WIPI1: variants seen among roughly 807,000 people sequenced by gnomAD.
WIPI1 encodes WD repeat domain, phosphoinositide interacting 1.
A neutral mutation model predicts 55.3 loss-of-function variants in WIPI1; 45 were observed. The observed-to-expected ratio is 0.81, with a 90% CI of 0.64 to 1.04. The LOEUF (loss-of-function observed/expected upper bound fraction) is 1.04, where lower values mean the gene tolerates loss of function less well. Ranked by LOEUF, WIPI1 falls within the 50% of genes least tolerant of loss-of-function variation. The pLI is 0.00. For missense variants in WIPI1, 445 were observed against 559.0 expected (o/e 0.80, Z 2.06); for synonymous variants, 195 against 217.6 (o/e 0.90, Z 0.92).
chr17:68,454,738 G>A (rs568829761), intron 1 of WIPI1, among the ~76,000 whole-genome samples: 9 of 152,282 alleles, frequency 5.9e-5, no homozygotes, highest in African/African-American at 1.2e-4. Flanking sequence ...GTTTGGCTGC[G>A]AAATGAGGTT....
rs1055661489 is a variant in WIPI1, at chr17:68,434,706, T to C, written c.622-80A>G. On this transcript the variant is annotated intron_variant, in intron 6 of 12. Coordinates refer to ENST00000262139, the MANE Select transcript of WIPI1 (RefSeq NM_017983.7). The stretch of plus-strand genomic sequence containing the variant: ...TGTCCCTTTAGAGAGGAGTTTGTTT[T>C]ATTGGTTTTGAACATCTGTCTCTGA... 2.9e-5 allele frequency: 43 copies of C among 1,477,054 alleles called. No homozygotes were observed. The African/African-American group carries it at 3.9e-4, about 13-fold the overall frequency. 91.5% of individuals were successfully genotyped at this position (1,477,054 alleles called of 1,614,324 possible).
At chr17:68,446,906 G>A (rs1827409373) in intron 3 of WIPI1, among the ~76,000 whole-genome samples, 1 of 152,186 alleles carries the variant, frequency 6.6e-6, no homozygotes, top group African/African-American at 2.4e-5. Flanking sequence ...AAACGCAGAG[G>A]GAAACAGAGA....
Position 68,444,147 on chromosome 17 carries a change from G to C in WIPI1, c.430+346C>G, listed in dbSNP as rs117368413. Among the ~76,000 whole-genome samples the C allele has an allele frequency of 5.8e-3, 884 of 152,258 alleles. 28 individuals are homozygous for C. The East Asian group carries it at 0.095, about 16-fold the overall frequency. ...CTAATTATCACGCCTACTCTGTACT[G>C]AACGAACCACAAAAAACAATTAGGG... is the stretch of plus-strand genomic sequence containing the variant. On this transcript the variant is annotated intron_variant, in intron 4 of 12. Coordinates refer to ENST00000262139, the MANE Select transcript of WIPI1 (RefSeq NM_017983.7).
Position 68,436,383 on chromosome 17 carries a change from A to G in WIPI1, c.527T>C (p.Leu176Pro). 1 of 1,613,636 alleles carries G rather than the reference A, an allele frequency of 6.2e-7. No homozygotes were observed. The highest frequency in any genetic ancestry group is 8.5e-7 in the Non-Finnish European group (1 of 1,179,578). The change falls in exon 5 of 13, where the codon CTG becomes CCG. Residue 176 changes from leucine to proline, a missense_variant and splice_region_variant. Transcript: ENST00000262139. ...GEIVLYDGNS[L>P]KTVCTIAAHE... ...TCAGCCAGGTCACCGTCAACTTACC[A>G]GGGAGTTTCCATCATAAAGCACAAT...
intron 3 of WIPI1, chr17:68,448,383 C>T (rs1043836163): frequency 6.6e-6 from 1 of 152,202 alleles, no homozygotes; most frequent in Non-Finnish European, 1.5e-5. Context: ...TGAACCGATG[C>T]TCATCTTGGT....
rs572183548 is a variant in WIPI1, at chr17:68,449,408, T to C, written c.333+1320A>G. On this transcript the variant is annotated intron_variant, in intron 3 of 12. Coordinates refer to ENST00000262139, the MANE Select transcript of WIPI1 (RefSeq NM_017983.7). ...ACTCTGCGAGGCCAAGGAGGATCCT[T>C]GAGCCCAGGAGTTTGAGACCAGACT... 4.8e-4 allele frequency among the ~76,000 whole-genome samples: 73 copies of C among 152,308 alleles called. 1 individual carries two copies. The highest frequency in any genetic ancestry group is 1.6e-3 in the African/African-American group (67 of 41,564).
At position 68,421,337 on chromosome 17, in the gene WIPI1, A is replaced by T. The variant is rs2082756085; in HGVS notation, c.*436T>A. On this transcript the variant is annotated 3_prime_UTR_variant, in exon 13 of 13. Transcript: ENST00000262139. ...AAATGGGACTCCCAAGTAATAAATG[A>T]TTTATTCCAGCCACAGCCAAAAAAG... 6.1e-6 allele frequency: 1 copy of T among 162,926 alleles called. No individual in the cohort carries two copies. The highest frequency in any genetic ancestry group is 5.9e-5 in the Admixed American group (1 of 16,954). The allele number at this position is 162,926 out of a possible 1,614,324, so 10.1% of individuals were successfully genotyped here.
chr17:68,433,347 A>G, intron 8 of WIPI1, 121 bp downstream of exon 8: 1 of 929,256 alleles, frequency 1.1e-6, no homozygotes, highest in African/African-American at 1.6e-5. Flanking sequence ...CACTTAGGTG[A>G]AGTCCCAAGT....
In WIPI1 at chr17:68,425,411, G is replaced by T. The variant is rs1356918302; in HGVS notation, c.1293+664C>A. Among the ~76,000 whole-genome samples the T allele has an allele frequency of 2.7e-5, 4 of 149,834 alleles. No homozygotes were observed. The East Asian group carries it at 5.8e-4, about 22-fold the overall frequency. ...TTTTTTTTTTTTTTTGGTGGAGATG[G>T]GGTTTTGCTGTGTTGCCCAGGCTGG... On this transcript the variant is annotated intron_variant, in intron 12 of 12. Coordinates refer to ENST00000262139, the MANE Select transcript of WIPI1 (RefSeq NM_017983.7).
At chr17:68,427,047 T>G in intron 11 of WIPI1, 88 bp downstream of exon 11, 4 of 1,090,346 alleles carry the variant, frequency 3.7e-6, no homozygotes, top group South Asian at 2.7e-5. Flanking sequence ...CAGGTAACAG[T>G]GAAGGGGGAA....
At chr17:68,430,521 T>C (rs1481031695) in intron 8 of WIPI1, among the ~76,000 whole-genome samples, 4 of 152,124 alleles carry the variant, frequency 2.6e-5, no homozygotes, top group Non-Finnish European at 5.9e-5. Flanking sequence ...TTAAATAAGC[T>C]TGGGACTGTG....
intron 5 of WIPI1, 37 bp from the exon 6 acceptor site, chr17:68,435,749 G>C: frequency 6.3e-7 from 1 of 1,591,342 alleles, no homozygotes; most frequent in East Asian, 2.2e-5. Context: ...CAGATGCTGC[G>C]GAGGAGGGAA....
At chr17:68,426,242 T>TGGGTGG in intron 11 of WIPI1, 67 bp from the exon 12 acceptor site, 1 of 669,004 alleles carries the variant, frequency 1.5e-6, no homozygotes, top group Non-Finnish European at 2.2e-6. Context: ...ACCTGGCGGG[T>TGGGTGG]GGGGAGCGGG....
chr17:68,427,122 C>A lies in WIPI1; in HGVS notation c.1192+13G>T. Reference sequence around the variant, plus strand: ...GTTGGAGATGCTCCCCTGTTGGCCCCGTGTCCACCCACCTGGCACCGTGGA... The same window carrying A: ...GTTGGAGATGCTCCCCTGTTGGCCCAGTGTCCACCCACCTGGCACCGTGGA... On this transcript the variant is annotated intron_variant, in intron 11 of 12. Coordinates refer to ENST00000262139, the MANE Select transcript of WIPI1 (RefSeq NM_017983.7). 1.9e-6 allele frequency: 3 copies of A among 1,608,616 alleles called. No individual in the cohort carries two copies. The East Asian group carries it at 6.7e-5, about 36-fold the overall frequency.
intron 12 of WIPI1, among the ~76,000 whole-genome samples, chr17:68,424,165 T>C (rs1029117026): frequency 6.6e-6 from 1 of 152,166 alleles, no homozygotes; most frequent in Non-Finnish European, 1.5e-5. Context: ...CAACAGAGGT[T>C]TTGAAGTTTA....
chr17:68,436,392 C>T lies in WIPI1; in HGVS notation c.518G>A (p.Gly173Glu). Residue 173 changes from glycine to glutamate, a missense_variant, in exon 5 of 13, where the codon GGA becomes GAA. Coordinates refer to ENST00000262139, the MANE Select transcript of WIPI1 (RefSeq NM_017983.7). Reference sequence around the variant, plus strand: ...TCACCGTCAACTTACCAGGGAGTTTCCATCATAAAGCACAATCTCCCCTGA... The same window carrying T: ...TCACCGTCAACTTACCAGGGAGTTTTCATCATAAAGCACAATCTCCCCTGA... ...LTSGEIVLYD[G>E]NSLKTVCTIA... 1 of 1,613,854 alleles carries T rather than the reference C, an allele frequency of 6.2e-7. No homozygotes were observed. The highest frequency in any genetic ancestry group is 8.5e-7 in the Non-Finnish European group (1 of 1,179,782).
chr17:68,422,133 A>C, intron 12 of WIPI1: 1 of 297,848 alleles, frequency 3.4e-6, no homozygotes, highest in East Asian at 6.3e-5. Context: ...ATCACTATTA[A>C]AAAGTCAGTT....
chr17:68,432,989 G>T (rs1243366331), intron 8 of WIPI1, among the ~76,000 whole-genome samples: 1 of 152,210 alleles, frequency 6.6e-6, no homozygotes, highest in Non-Finnish European at 1.5e-5. Flanking sequence ...TTTTCAGACA[G>T]CTTCTTAAGC....
intron 4 of WIPI1, among the ~76,000 whole-genome samples, chr17:68,441,469 C>G (rs1052122017): frequency 1.3e-5 from 2 of 152,234 alleles, no homozygotes; most frequent in African/African-American, 4.8e-5. Context: ...TCAACAGTCA[C>G]AGTTTCCATC....
Sources: gnomAD v4.1 joint callset for allele counts (sites outside exome capture counted in the v4.1 genomes callset) on GRCh38, gnomAD v4.1.1 for gene constraint, MANE v1.5 for transcripts, NCBI Gene and HGNC (gene_info 2026-07-23, HGNC 2026-07-21) for gene names.